MAPK10: variants seen among roughly 807,000 people sequenced by gnomAD.
The protein encoded by MAPK10 is mitogen-activated protein kinase 10, also known as JNK3 alpha protein kinase.
In MAPK10, 25 loss-of-function variants were observed where a neutral mutation model predicts 59.3. The ratio of observed to expected loss-of-function variants is 0.42; its 90% CI spans 0.31 to 0.59. The LOEUF (loss-of-function observed/expected upper bound fraction) is 0.59. Among genes scored for constraint, MAPK10 ranks in the 20% least tolerant of loss-of-function variants. The probability of loss-of-function intolerance (pLI) is 0.15; values close to 1 mark genes in which losing one functional copy is unlikely to be tolerated. For synonymous variants in MAPK10, 190 were observed against 200.5 expected, an observed-to-expected ratio of 0.95 and a Z score of 0.44; for missense variants, 351 against 568.9, an observed-to-expected ratio of 0.62 and a Z score of 3.90.
chr4:86,075,725 C>A (rs949591487), intron 9 of MAPK10, among the ~76,000 whole-genome samples: 1 of 151,944 alleles, frequency 6.6e-6, no homozygotes, highest in South Asian at 2.1e-4. Context: ...GGGTCAGGGA[C>A]CCACTTGAGG....
At chr4:86,485,032 C>G (rs7690137) in intron 1 of MAPK10, among the ~76,000 whole-genome samples, 12,130 of 152,136 alleles carry the variant, frequency 0.08, 776 homozygotes, top group African/African-American at 0.17. Context: ...TTTACAAGGT[C>G]GGATGAATAG....
chr4:86,236,765 G>C (rs114718273), intron 2 of MAPK10, among the ~76,000 whole-genome samples: 2,883 of 152,210 alleles, frequency 0.019, 44 homozygotes, highest in South Asian at 0.062. Flanking sequence ...ATAAGGATGT[G>C]AGTAAAAGCA....
At chr4:86,532,099 C>CAT (rs1264138458) in intron 1 of MAPK10, among the ~76,000 whole-genome samples, 9 of 147,038 alleles carry the variant, frequency 6.1e-5, no homozygotes, top group South Asian at 2.1e-4. Flanking sequence ...TATATACATA[C>CAT]ATATATATAT....
chr4:86,592,710 C>T (rs1216616191), intron 1 of MAPK10, among the ~76,000 whole-genome samples: 2 of 152,206 alleles, frequency 1.3e-5, no homozygotes, highest in East Asian at 3.8e-4. Context: ...CTGTTATTTA[C>T]TTTCACCACT....
At chr4:86,031,323 A>C (rs1454090085) in intron 12 of MAPK10, 45 bp downstream of exon 12, 2 of 1,312,776 alleles carry the variant, frequency 1.5e-6, no homozygotes, top group African/African-American at 2.9e-5. Flanking sequence ...ATACTTTCTG[A>C]GTTCAATAAA....
At chr4:86,285,614 A>G (rs2094975899) in intron 2 of MAPK10, among the ~76,000 whole-genome samples, 1 of 152,170 alleles carries the variant, frequency 6.6e-6, no homozygotes, top group Non-Finnish European at 1.5e-5. Context: ...GTGTCATTTC[A>G]TTCATGAATT....
chr4:86,553,607 T>C (rs551305915), intron 1 of MAPK10, among the ~76,000 whole-genome samples: 2 of 152,284 alleles, frequency 1.3e-5, no homozygotes, highest in South Asian at 2.1e-4. Flanking sequence ...GAACAAAAGC[T>C]ACGTGTGCAC....
At chr4:86,108,820 T>G (rs1412073709) in intron 4 of MAPK10, among the ~76,000 whole-genome samples, 1 of 152,216 alleles carries the variant, frequency 6.6e-6, no homozygotes, top group African/African-American at 2.4e-5. Context: ...CCATAATATA[T>G]GAAATCTATT....
intron 2 of MAPK10, among the ~76,000 whole-genome samples, chr4:86,241,661 T>C (rs753942328): frequency 3.9e-5 from 6 of 152,172 alleles, no homozygotes; most frequent in Non-Finnish European, 7.3e-5. Context: ...TCTCCTGTTG[T>C]GTTTTTCAAC....
chr4:86,125,119 G>T (rs1430515785), intron 4 of MAPK10: 1 of 151,552 alleles, frequency 6.6e-6, no homozygotes, highest in Non-Finnish European at 1.5e-5. Context: ...AGATACCTAA[G>T]CCCCTTTTGA....
chr4:86,567,252 C>T (rs993377373), intron 1 of MAPK10, among the ~76,000 whole-genome samples: 14 of 149,088 alleles, frequency 9.4e-5, no homozygotes, highest in African/African-American at 3.2e-4. Flanking sequence ...TGGAGTTTTG[C>T]ACTTGTTGCC....
chr4:86,256,742 T>TTTTTTTTTTTTTTTC (rs2093739998), intron 2 of MAPK10, among the ~76,000 whole-genome samples: 1 of 132,828 alleles, frequency 7.5e-6, no homozygotes, highest in African/African-American at 2.9e-5. Context: ...TTCTTTTTTT[T>TTTTTTTTTTTTTTTC]TTTTTTTTTT....
intron 2 of MAPK10, among the ~76,000 whole-genome samples, chr4:86,281,998 C>T (rs2094827801): frequency 6.6e-6 from 1 of 151,920 alleles, no homozygotes; most frequent in Non-Finnish European, 1.5e-5. Flanking sequence ...TTGTGTTTCA[C>T]AACTGGGAAA....
intron 1 of MAPK10, among the ~76,000 whole-genome samples, chr4:86,511,497 T>C (rs112606398): frequency 0.047 from 7,172 of 151,282 alleles, 228 homozygotes; most frequent in African/African-American, 0.06. Flanking sequence ...GCACAGGAGG[T>C]GAGGTTGCAG....
intron 1 of MAPK10, among the ~76,000 whole-genome samples, chr4:86,414,202 T>G (rs2149028991): frequency 1.3e-5 from 2 of 152,196 alleles, no homozygotes; most frequent in South Asian, 4.1e-4. Flanking sequence ...TAACAACCAT[T>G]CTACCCCTCA....
chr4:86,518,474 T>C (rs372918969), intron 1 of MAPK10, among the ~76,000 whole-genome samples: 1 of 152,244 alleles, frequency 6.6e-6, no homozygotes. Context: ...CCCATTTCAT[T>C]TCTAATTCAA....
At chr4:86,033,764 ATTGT>A (rs1311110604) in intron 11 of MAPK10, among the ~76,000 whole-genome samples, 3 of 152,110 alleles carry the variant, frequency 2.0e-5, no homozygotes, top group Non-Finnish European at 2.9e-5. Context: ...CAGATTTTTG[ATTGT>A]TTGTTTTTTG....
At chr4:86,021,263 G>A (rs1746616846) in intron 13 of MAPK10, among the ~76,000 whole-genome samples, 1 of 152,006 alleles carries the variant, frequency 6.6e-6, no homozygotes, top group African/African-American at 2.4e-5. Flanking sequence ...AGACATAAAG[G>A]TTTTCCAAGG....
At chr4:86,310,163 C>A (rs2095641937) in intron 2 of MAPK10, among the ~76,000 whole-genome samples, 1 of 152,174 alleles carries the variant, frequency 6.6e-6, no homozygotes, top group Non-Finnish European at 1.5e-5. Context: ...GATGTCCCAC[C>A]TTTCCAGATG....
Sources: allele counts gnomAD v4.1 joint callset (sites outside exome capture counted in the v4.1 genomes callset), GRCh38; gene constraint gnomAD v4.1.1; transcripts MANE v1.5; gene names NCBI Gene and HGNC (gene_info 2026-07-23, HGNC 2026-07-21).